Variants in OPCML observed in about 807,000 individuals in gnomAD.
The protein encoded by OPCML is opioid binding protein/cell adhesion molecule like.
OPCML carries 13 observed loss-of-function variants against 37.8 expected under a neutral mutation model. The ratio of observed to expected loss-of-function variants is 0.34; its 90% CI spans 0.22 to 0.55. The LOEUF is 0.55. Among genes scored for constraint, OPCML ranks in the 20% least tolerant of loss-of-function variants. The pLI is 0.91. For missense variants in OPCML, 341 were observed against 435.6 expected, an observed-to-expected ratio of 0.78 and a Z score of 1.93; for synonymous variants, 176 against 168.8, an observed-to-expected ratio of 1.04 and a Z score of -0.33.
intron 3 of OPCML, among the ~76,000 whole-genome samples, chr11:132,592,678 C>A (rs2137717275): frequency 6.6e-6 from 1 of 152,242 alleles, no homozygotes; most frequent in South Asian, 2.1e-4. Context: ...ATTCGTAGAC[C>A]AGAGCTCATT....
intron 1 of OPCML, among the ~76,000 whole-genome samples, chr11:133,101,127 A>G (rs1172475666): frequency 3.3e-5 from 5 of 151,974 alleles, no homozygotes; most frequent in Admixed American, 3.3e-4. Flanking sequence ...GTTTCACCAT[A>G]TTGGCCAGGC....
chr11:132,617,424 C>T (rs12797139), intron 3 of OPCML, among the ~76,000 whole-genome samples: 18,567 of 152,186 alleles, frequency 0.12, 1,514 homozygotes, highest in Non-Finnish European at 0.18. Context: ...AGGGACACTT[C>T]GAAGTCAACA....
chr11:132,548,553 C>T (rs74238163), intron 3 of OPCML, among the ~76,000 whole-genome samples: 3 of 152,074 alleles, frequency 2.0e-5, no homozygotes, highest in South Asian at 2.1e-4. Flanking sequence ...TTAACACTGT[C>T]GTATAAAATA....
intron 2 of OPCML, among the ~76,000 whole-genome samples, chr11:132,734,116 T>C (rs1945174476): frequency 6.6e-6 from 1 of 152,216 alleles, no homozygotes; most frequent in Non-Finnish European, 1.5e-5. Flanking sequence ...TTATCATAAT[T>C]CTTGATATAT....
intron 1 of OPCML, among the ~76,000 whole-genome samples, chr11:133,240,775 C>T (rs1397203125): frequency 6.6e-6 from 1 of 152,192 alleles, no homozygotes; most frequent in African/African-American, 2.4e-5. Context: ...CTCATCACCT[C>T]CTTCTCCTTA....
chr11:133,412,261 T>C (rs1028157079), intron 1 of OPCML, among the ~76,000 whole-genome samples: 1 of 152,202 alleles, frequency 6.6e-6, no homozygotes, highest in Admixed American at 6.5e-5. Flanking sequence ...GGGGCTGTGA[T>C]CTTTAATTGA....
intron 2 of OPCML, among the ~76,000 whole-genome samples, chr11:132,694,177 G>GTTTTTTTTTTTTTTTTTT (rs1565781232): frequency 1.6e-5 from 1 of 63,922 alleles, no homozygotes; most frequent in African/African-American, 5.9e-5. Flanking sequence ...TGAAATCAAT[G>GTTTTTTTTTTTTTTTTTT]TCTTTTTTTT....
intron 2 of OPCML, among the ~76,000 whole-genome samples, chr11:132,801,816 A>G (rs1181623871): frequency 2.0e-5 from 3 of 152,326 alleles, no homozygotes; most frequent in Middle Eastern, 3.4e-3. Context: ...ATTATGTGCC[A>G]TACAGTATTC....
chr11:132,983,010 A>G (rs566919897), intron 1 of OPCML, among the ~76,000 whole-genome samples: 1 of 152,270 alleles, frequency 6.6e-6, no homozygotes, highest in Non-Finnish European at 1.5e-5. Flanking sequence ...AAGGCTACTG[A>G]TTGGAACACT....
rs1176993058 is a variant in OPCML, at chr11:132,436,642, T to C, written c.764+17A>G. On this transcript the variant is annotated intron_variant, in intron 6 of 7. Coordinates refer to ENST00000524381, the MANE Select transcript of OPCML (RefSeq NM_001012393.5). ...CAGCTCTGCTTCAGAACTGTCCAGG[T>C]GTCATTTAAAAGGTACCTGGTTTCT... The C allele has an allele frequency of 6.2e-7, 1 of 1,613,974 alleles. No homozygotes were observed. Among genetic ancestry groups the C allele is most frequent in the Admixed American group, 1.7e-5 (1 of 60,004 alleles).
intron 2 of OPCML, among the ~76,000 whole-genome samples, chr11:132,696,398 C>T (rs35353866): frequency 4.6e-5 from 7 of 151,972 alleles, no homozygotes; most frequent in African/African-American, 1.7e-4. Context: ...TTTTAGAAGG[C>T]TAAGATAAAC....
chr11:132,476,454 T>C (rs1247008263), intron 4 of OPCML, among the ~76,000 whole-genome samples: 1 of 152,038 alleles, frequency 6.6e-6, no homozygotes, highest in African/African-American at 2.4e-5. Context: ...TGTCCAACAA[T>C]GATAGACTGG....
At chr11:132,835,283 C>T (rs967937494) in intron 2 of OPCML, among the ~76,000 whole-genome samples, 7 of 152,146 alleles carry the variant, frequency 4.6e-5, no homozygotes, top group African/African-American at 1.2e-4. Context: ...CAGACTGCTG[C>T]GGAAGTGTGG....
chr11:132,716,433 T>A (rs61908965), intron 2 of OPCML, among the ~76,000 whole-genome samples: 1 of 113,456 alleles, frequency 8.8e-6, no homozygotes, highest in African/African-American at 3.2e-5. Flanking sequence ...TATCTATCTA[T>A]CTATCTATCT....
chr11:133,327,190 G>A, intron 1 of OPCML, among the ~76,000 whole-genome samples: 2 of 150,726 alleles, frequency 1.3e-5, no homozygotes, highest in Admixed American at 1.3e-4. Context: ...ATGTGGGTGG[G>A]GTGTGTGTAT....
chr11:132,686,096 G>A (rs1943150220), intron 2 of OPCML, among the ~76,000 whole-genome samples: 1 of 152,140 alleles, frequency 6.6e-6, no homozygotes, highest in Admixed American at 6.6e-5. Context: ...TAGTCCATCT[G>A]TGATCTCTCT....
At chr11:132,555,000 T>C (rs2049938204) in intron 3 of OPCML, among the ~76,000 whole-genome samples, 2 of 150,750 alleles carry the variant, frequency 1.3e-5, no homozygotes, top group Admixed American at 6.7e-5. Flanking sequence ...GTCCTTAGGA[T>C]GCACACTTAG....
Position 132,710,265 on chromosome 11 carries a change from TA to T in OPCML, c.147-52947del, listed in dbSNP as rs892854528. ...GGAAGAATTCAGTTTTTTTCTCAGTTAAAAAAAAATCTATGATAGAATATAA... is the reference window on the plus strand; with the variant it reads ...GGAAGAATTCAGTTTTTTTCTCAGTTAAAAAAAATCTATGATAGAATATAA... On this transcript the variant is annotated intron_variant, in intron 2 of 7. Transcript: ENST00000524381. Among the ~76,000 whole-genome samples the T allele has an allele frequency of 4.5e-4, 68 of 151,696 alleles. 1 individual carries two copies. Among genetic ancestry groups the T allele is most frequent in the South Asian group, 3.7e-3 (18 of 4,804 alleles).
intron 1 of OPCML, among the ~76,000 whole-genome samples, chr11:133,310,694 T>G (rs1943048996): frequency 6.6e-6 from 1 of 152,110 alleles, no homozygotes. Context: ...GGAAGGACTG[T>G]TCCCACCCAG....
Sources: allele counts gnomAD v4.1 joint callset (sites outside exome capture counted in the v4.1 genomes callset), GRCh38; gene constraint gnomAD v4.1.1; transcripts MANE v1.5; gene names NCBI Gene and HGNC (gene_info 2026-07-23, HGNC 2026-07-21).